The following XKR4 variants were observed in gnomAD, a reference collection of about 807,000 sequenced individuals.
XKR4 encodes the protein XK related 4.
XKR4 carries 12 observed loss-of-function variants against 53.9 expected under a neutral mutation model. The observed-to-expected ratio is 0.22, with a 90% CI of 0.14 to 0.36. The LOEUF (loss-of-function observed/expected upper bound fraction) is 0.36, where lower values mean the gene tolerates loss of function less well. Ranked by LOEUF, XKR4 falls within the 10% of genes least tolerant of loss-of-function variation. The pLI, the probability that XKR4 is intolerant of heterozygous loss-of-function variation, is 1.00. For synonymous variants in XKR4, 354 were observed against 362.4 expected (o/e 0.98, Z 0.26); for missense variants, 799 against 859.5 (o/e 0.93, Z 0.88).
chr8:55,172,246 C>T (rs1462759624), intron 1 of XKR4, among the ~76,000 whole-genome samples: 2 of 151,710 alleles, frequency 1.3e-5, no homozygotes, highest in African/African-American at 4.8e-5. Flanking sequence ...CCTTCACTTA[C>T]AGGATATAGG....
At chr8:55,464,054 G>A in intron 2 of XKR4, among the ~76,000 whole-genome samples, 1 of 152,144 alleles carries the variant, frequency 6.6e-6, no homozygotes, top group East Asian at 1.9e-4. Flanking sequence ...GATACAATGA[G>A]AAGATGGTAC....
chr8:55,135,713 C>G, intron 1 of XKR4: 1 of 451,438 alleles, frequency 2.2e-6, no homozygotes, highest in East Asian at 7.0e-5. Flanking sequence ...CCCATTACAC[C>G]TTGTACACCT....
chr8:55,372,563 T>A (rs866535308), intron 2 of XKR4, among the ~76,000 whole-genome samples: 1 of 148,620 alleles, frequency 6.7e-6, no homozygotes, highest in African/African-American at 2.5e-5. Context: ...TTTTTTTTTT[T>A]CTAGAAAGCC....
At chr8:55,218,839 A>G (rs573276183) in intron 1 of XKR4, among the ~76,000 whole-genome samples, 1 of 152,340 alleles carries the variant, frequency 6.6e-6, no homozygotes, top group African/African-American at 2.4e-5. Context: ...TCATCTGCTC[A>G]GAATCATTAC....
At chr8:55,520,255 T>TA (rs1806779756) in intron 2 of XKR4, among the ~76,000 whole-genome samples, 1 of 152,252 alleles carries the variant, frequency 6.6e-6, no homozygotes, top group African/African-American at 2.4e-5. Flanking sequence ...ATTTGTCTTA[T>TA]AAAAATCAAT....
intron 1 of XKR4, among the ~76,000 whole-genome samples, chr8:55,191,816 C>G (rs1033648939): frequency 2.6e-5 from 4 of 151,858 alleles, no homozygotes; most frequent in Admixed American, 6.6e-5. Flanking sequence ...AACATTCCCA[C>G]TTTTTGACTT....
chr8:55,497,887 C>G (rs1806378077), intron 2 of XKR4, among the ~76,000 whole-genome samples: 1 of 152,070 alleles, frequency 6.6e-6, no homozygotes, highest in Non-Finnish European at 1.5e-5. Context: ...CCCCAAAGTC[C>G]TCATGCTCTC....
intron 1 of XKR4, among the ~76,000 whole-genome samples, chr8:55,348,455 C>T (rs1297748141): frequency 1.3e-5 from 2 of 152,178 alleles, no homozygotes; most frequent in Non-Finnish European, 2.9e-5. Context: ...TTTCTAGATA[C>T]AATCAGCACA....
chr8:55,127,562 ACT>A (rs1281334911), intron 1 of XKR4, among the ~76,000 whole-genome samples: 3 of 98,430 alleles, frequency 3.0e-5, no homozygotes, highest in Non-Finnish European at 4.8e-5. Context: ...CTGGTGCCTA[ACT>A]CTTTTTTTTT....
chr8:55,451,773 G>T (rs748006022), intron 2 of XKR4: 10 of 1,074,298 alleles, frequency 9.3e-6, no homozygotes, highest in Non-Finnish European at 1.4e-5. Flanking sequence ...TGCTCAGGGG[G>T]CCCAGGCCAA....
At chr8:55,104,577 G>T (rs113630239) in intron 1 of XKR4, among the ~76,000 whole-genome samples, 49 of 152,310 alleles carry the variant, frequency 3.2e-4, no homozygotes, top group African/African-American at 1.2e-3. Flanking sequence ...ATGTTCACCT[G>T]AGAAGAGCAA....
intron 1 of XKR4, among the ~76,000 whole-genome samples, chr8:55,310,329 A>T (rs1378874889): frequency 6.6e-6 from 1 of 152,210 alleles, no homozygotes. Flanking sequence ...CAAAGTCCTT[A>T]TCCTTTCTAA....
At chr8:55,334,705 G>A (rs1803433514) in intron 1 of XKR4, among the ~76,000 whole-genome samples, 2 of 152,280 alleles carry the variant, frequency 1.3e-5, no homozygotes, top group Middle Eastern at 3.4e-3. Flanking sequence ...GATGGCCTGA[G>A]ATGTGTATGG....
At chr8:55,397,408 G>A (rs1032555605) in intron 2 of XKR4, among the ~76,000 whole-genome samples, 11 of 152,116 alleles carry the variant, frequency 7.2e-5, no homozygotes, top group African/African-American at 2.7e-4. Context: ...CTACCTGGGA[G>A]CAGCACAACC....
At chr8:55,113,828 T>C (rs923415763) in intron 1 of XKR4, among the ~76,000 whole-genome samples, 1 of 152,196 alleles carries the variant, frequency 6.6e-6, no homozygotes, top group East Asian at 1.9e-4. Context: ...AGATGTGTTT[T>C]TTGACTTTCT....
chr8:55,159,146 A>T (rs1816949503), intron 1 of XKR4, among the ~76,000 whole-genome samples: 1 of 152,120 alleles, frequency 6.6e-6, no homozygotes, highest in South Asian at 2.1e-4. Context: ...GTCACCTCTG[A>T]CTATTTTGAG....
chr8:55,306,725 G>A (rs1819306210), intron 1 of XKR4, among the ~76,000 whole-genome samples: 1 of 152,188 alleles, frequency 6.6e-6, no homozygotes, highest in Non-Finnish European at 1.5e-5. Flanking sequence ...AGATTTGGGT[G>A]GGGACGCAGC....
In XKR4 at chr8:55,540,790, T is replaced by C. The variant is rs1807090622; in HGVS notation, c.*16563T>C. The C allele has an allele frequency of 6.6e-6, 1 of 152,200 alleles. No individual in the cohort carries two copies. Among genetic ancestry groups the C allele is most frequent in the Non-Finnish European group, 1.5e-5 (1 of 68,028 alleles). 9.4% of individuals were successfully genotyped at this position (152,200 alleles called of 1,614,324 possible). A position where few individuals can be genotyped will look rare whatever the true frequency, so the allele number is the denominator to read the frequency against. On this transcript the variant is annotated 3_prime_UTR_variant, in exon 3 of 3. Transcript: ENST00000327381. ...TACTTAATTCTTTTTGCAGTTTGGA[T>C]TGGAGTTTCTAGTAATGATAATTAA...
intron 1 of XKR4, among the ~76,000 whole-genome samples, chr8:55,344,003 A>G (rs1315219909): frequency 6.6e-6 from 1 of 152,198 alleles, no homozygotes; most frequent in African/African-American, 2.4e-5. Context: ...TAGATGCTGT[A>G]AGCATCGAAG....
Sources: allele counts gnomAD v4.1 joint callset (sites outside exome capture counted in the v4.1 genomes callset), GRCh38; gene constraint gnomAD v4.1.1; transcripts MANE v1.5; gene names NCBI Gene and HGNC (gene_info 2026-07-23, HGNC 2026-07-21).